Variants in LRRTM4 observed in about 807,000 individuals in gnomAD.
The protein encoded by LRRTM4 is leucine-rich repeat transmembrane neuronal protein 4.
A neutral mutation model predicts 47.6 loss-of-function variants in LRRTM4; 25 were observed. That is an observed-to-expected ratio of 0.53 (90% CI 0.38 to 0.73). The LOEUF (loss-of-function observed/expected upper bound fraction) is 0.73. LRRTM4 is among the 30% of genes least tolerant of loss of function. The pLI, the probability that LRRTM4 is intolerant of heterozygous loss-of-function variation, is 0.00. For synonymous variants in LRRTM4, 311 were observed against 269.5 expected (o/e 1.15, Z -1.51); for missense variants, 638 against 713.4 (o/e 0.89, Z 1.20).
chr2:77,136,696 C>T (rs563373750), intron 3 of LRRTM4, among the ~76,000 whole-genome samples: 23 of 152,144 alleles, frequency 1.5e-4, no homozygotes, highest in Non-Finnish European at 2.5e-4. Context: ...GGAGAAAGTT[C>T]GAAACCATGG....
intron 3 of LRRTM4, among the ~76,000 whole-genome samples, chr2:76,943,075 A>G (rs10520170): frequency 0.23 from 35,261 of 152,054 alleles, 4,952 homozygotes; most frequent in African/African-American, 0.39. Context: ...TAATCTGTAC[A>G]TCAACTCTAC....
chr2:77,466,702 C>CT (rs34276275), intron 3 of LRRTM4, among the ~76,000 whole-genome samples: 1,692 of 131,326 alleles, frequency 0.013, 25 homozygotes, highest in East Asian at 0.067. Context: ...ACTATGGCAA[C>CT]TTTTTTTTTT....
chr2:77,031,021 T>G (rs150844573), intron 3 of LRRTM4, among the ~76,000 whole-genome samples: 2 of 152,322 alleles, frequency 1.3e-5, no homozygotes, highest in East Asian at 3.9e-4. Flanking sequence ...TTTTTCTTTG[T>G]GAATAAACTG....
chr2:76,813,789 G>T (rs1414220899), intron 3 of LRRTM4, among the ~76,000 whole-genome samples: 1 of 152,076 alleles, frequency 6.6e-6, no homozygotes, highest in East Asian at 1.9e-4. Flanking sequence ...TTCACACAAA[G>T]ATTGTGAAGA....
intron 3 of LRRTM4, among the ~76,000 whole-genome samples, chr2:76,785,688 C>T (rs1230364472): frequency 1.3e-5 from 2 of 152,076 alleles, no homozygotes; most frequent in African/African-American, 2.4e-5. Flanking sequence ...TTTTTTCACC[C>T]TTCTCATATT....
At chr2:77,165,909 G>A (rs1051550143) in intron 3 of LRRTM4, among the ~76,000 whole-genome samples, 3 of 152,178 alleles carry the variant, frequency 2.0e-5, no homozygotes, top group Non-Finnish European at 4.4e-5. Flanking sequence ...CCAAGACAGG[G>A]ATGCCCTCTC....
chr2:76,845,683 A>AT (rs1395582283), intron 3 of LRRTM4, among the ~76,000 whole-genome samples: 1 of 152,148 alleles, frequency 6.6e-6, no homozygotes, highest in Non-Finnish European at 1.5e-5. Flanking sequence ...AACATGAAAT[A>AT]TTTTTCAGTC....
intron 3 of LRRTM4, among the ~76,000 whole-genome samples, chr2:76,920,195 T>A (rs1674388866): frequency 6.6e-6 from 1 of 152,136 alleles, no homozygotes; most frequent in Non-Finnish European, 1.5e-5. Context: ...ATGGAAATAG[T>A]TAATTTGTAG....
chr2:77,014,852 A>T (rs1678002566), intron 3 of LRRTM4, among the ~76,000 whole-genome samples: 1 of 152,080 alleles, frequency 6.6e-6, no homozygotes, highest in African/African-American at 2.4e-5. Flanking sequence ...GTGACAAAAC[A>T]TAAGGATTAT....
chr2:77,001,021 CAAATA>C (rs1677405991), intron 3 of LRRTM4, among the ~76,000 whole-genome samples: 1 of 152,104 alleles, frequency 6.6e-6, no homozygotes, highest in African/African-American at 2.4e-5. Flanking sequence ...ACCTGACACA[CAAATA>C]AAATATTCTT....
intron 3 of LRRTM4, among the ~76,000 whole-genome samples, chr2:76,835,059 A>T (rs1402235656): frequency 6.6e-6 from 1 of 152,130 alleles, no homozygotes. Flanking sequence ...GCATCCGAAC[A>T]TTTGAAAGAA....
intron 3 of LRRTM4, among the ~76,000 whole-genome samples, chr2:77,211,513 T>C (rs1674292694): frequency 6.6e-6 from 1 of 152,154 alleles, no homozygotes; most frequent in African/African-American, 2.4e-5. Flanking sequence ...AACTTTATTT[T>C]GCAAACAAAG....
chr2:77,474,701 A>G (rs1212164213), intron 3 of LRRTM4, among the ~76,000 whole-genome samples: 2 of 152,068 alleles, frequency 1.3e-5, no homozygotes, highest in African/African-American at 4.8e-5. Flanking sequence ...GAATGCTTTA[A>G]ATCCAATATG....
At chr2:77,122,142 T>C (rs1299980967) in intron 3 of LRRTM4, among the ~76,000 whole-genome samples, 1 of 151,728 alleles carries the variant, frequency 6.6e-6, no homozygotes, top group East Asian at 1.9e-4. Flanking sequence ...GCTAGATATA[T>C]TAAACAATCA....
At chr2:77,107,818 CA>C (rs768875970) in intron 3 of LRRTM4, among the ~76,000 whole-genome samples, 188 of 57,860 alleles carry the variant, frequency 3.2e-3, no homozygotes, top group South Asian at 0.018. Flanking sequence ...AAATCCAACT[CA>C]AAAAAAAAAA....
chr2:77,481,007 T>C (rs1458247247), intron 3 of LRRTM4, among the ~76,000 whole-genome samples: 2 of 152,180 alleles, frequency 1.3e-5, no homozygotes, highest in Non-Finnish European at 2.9e-5. Context: ...ATGTTTCAGA[T>C]ATGATCTATA....
intron 3 of LRRTM4, among the ~76,000 whole-genome samples, chr2:76,991,239 GAAAA>G (rs1676997848): frequency 1.3e-5 from 2 of 150,742 alleles, no homozygotes; most frequent in African/African-American, 4.9e-5. Context: ...AGAGGAACTA[GAAAA>G]GCAAGAATAA....
chr2:77,379,230 C>T (rs1400422603), intron 3 of LRRTM4, among the ~76,000 whole-genome samples: 1 of 152,000 alleles, frequency 6.6e-6, no homozygotes, highest in Admixed American at 6.6e-5. Context: ...TGGTTATTCT[C>T]ACCCTCCCCT....
chr2:77,392,958 T>C (rs2103818281), intron 3 of LRRTM4, among the ~76,000 whole-genome samples: 1 of 152,134 alleles, frequency 6.6e-6, no homozygotes, highest in African/African-American at 2.4e-5. Context: ...TATACATATA[T>C]TGAAACATCA....
Sources: allele counts gnomAD v4.1 joint callset (sites outside exome capture counted in the v4.1 genomes callset), GRCh38; gene constraint gnomAD v4.1.1; transcripts MANE v1.5; gene names NCBI Gene and HGNC (gene_info 2026-07-23, HGNC 2026-07-21).